Variants in PCDH15 observed in about 807,000 individuals in gnomAD.
PCDH15 encodes protocadherin related 15, also known as protocadherin-15.
PCDH15 carries 129 observed loss-of-function variants against 178.5 expected under a neutral mutation model. The ratio of observed to expected loss-of-function variants is 0.72; its 90% CI spans 0.63 to 0.84. The LOEUF (loss-of-function observed/expected upper bound fraction) is 0.84. PCDH15 is among the 40% of genes least tolerant of loss of function. PCDH15 has a pLI of 0.00. For missense variants in PCDH15, 2,230 were observed against 2,099.9 expected (o/e 1.06, Z -1.21); for synonymous variants, 800 against 732.0 (o/e 1.09, Z -1.50).
intron 2 of PCDH15, among the ~76,000 whole-genome samples, chr10:54,570,056 G>C (rs11004389): frequency 1.5e-5 from 2 of 129,326 alleles, no homozygotes; most frequent in African/African-American, 5.7e-5. Flanking sequence ...GTGTGTGTGT[G>C]TCTGTGTGTG....
chr10:55,505,893 G>T (rs1230345560), intron 2 of PCDH15, among the ~76,000 whole-genome samples: 2 of 151,362 alleles, frequency 1.3e-5, no homozygotes, highest in Non-Finnish European at 3.0e-5. Flanking sequence ...CCTCCAGGTG[G>T]CTTTTAACTA....
chr10:54,292,298 A>G (rs1424382408), intron 8 of PCDH15, among the ~76,000 whole-genome samples: 1 of 152,186 alleles, frequency 6.6e-6, no homozygotes, highest in African/African-American at 2.4e-5. Flanking sequence ...CTCTCAATAA[A>G]TCAGGTATTG....
At chr10:55,347,043 A>G (rs1031318857) in intron 2 of PCDH15, among the ~76,000 whole-genome samples, 3 of 151,648 alleles carry the variant, frequency 2.0e-5, no homozygotes, top group Admixed American at 6.6e-5. Context: ...GCAAAACCCC[A>G]TCTCTACAAA....
intron 2 of PCDH15, among the ~76,000 whole-genome samples, chr10:55,387,216 GCATTTTACAACAGTGGTTTTAAATCA>G (rs1391035263): frequency 2.0e-5 from 3 of 151,942 alleles, no homozygotes; most frequent in Non-Finnish European, 4.4e-5. Flanking sequence ...TGAATTTAAT[GCATTTTACAACAGTGGTTTTAAATCA>G]CATTCCAGAG....
intron 2 of PCDH15, among the ~76,000 whole-genome samples, chr10:55,544,135 CATACATAT>C (rs1321293978): frequency 0.021 from 2,015 of 96,152 alleles, 27 homozygotes; most frequent in East Asian, 0.037. Flanking sequence ...AAATCTTATA[CATACATAT>C]ATATATATAT....
intron 2 of PCDH15, among the ~76,000 whole-genome samples, chr10:54,900,214 C>G (rs1954617261): frequency 1.3e-5 from 2 of 152,090 alleles, no homozygotes; most frequent in Non-Finnish European, 2.9e-5. Context: ...TTTACTTCGG[C>G]ACTTACTTGG....
At chr10:54,896,385 A>G (rs1469933647) in intron 3 of PCDH15, among the ~76,000 whole-genome samples, 4 of 152,174 alleles carry the variant, frequency 2.6e-5, no homozygotes, top group African/African-American at 9.7e-5. Context: ...TCCAAATTCT[A>G]TCCAGCTGTT....
intron 28 of PCDH15, among the ~76,000 whole-genome samples, chr10:53,848,818 C>T (rs867406018): frequency 3.9e-5 from 6 of 152,002 alleles, no homozygotes; most frequent in African/African-American, 9.6e-5. Context: ...ATGTATCTTT[C>T]GATCATGCTA....
At chr10:54,905,385 A>C (rs1954701925) in intron 2 of PCDH15, among the ~76,000 whole-genome samples, 1 of 152,146 alleles carries the variant, frequency 6.6e-6, no homozygotes, top group African/African-American at 2.4e-5. Flanking sequence ...TGGCATAGCC[A>C]ATGAATTTGT....
intron 8 of PCDH15, among the ~76,000 whole-genome samples, chr10:54,240,631 T>TC (rs2055157539): frequency 2.2e-5 from 3 of 134,994 alleles, no homozygotes; most frequent in Admixed American, 7.4e-5. Context: ...TTTTGCTTTT[T>TC]TTTTTTTTTT....
chr10:53,817,940 A>T lies in PCDH15; in HGVS notation c.4452+55T>A, dbSNP rs1385418157. On this transcript the variant is annotated intron_variant, in intron 34 of 37. Coordinates refer to ENST00000644397, the MANE Select transcript of PCDH15 (RefSeq NM_001384140.1). Reference sequence around the variant, plus strand: ...AGAATGTACATTAGTCTTGCCTATTACACAAGTATTTTCCTAGTATGCTTG... The same window carrying T: ...AGAATGTACATTAGTCTTGCCTATTTCACAAGTATTTTCCTAGTATGCTTG... The T allele has an allele frequency of 2.8e-5, 11 of 398,664 alleles. No homozygotes were observed. The East Asian group carries it at 3.9e-4, about 14-fold the overall frequency. The allele number at this position is 398,664 out of a possible 1,614,324, so 24.7% of individuals were successfully genotyped here.
At chr10:54,824,343 C>T (rs760729867) in intron 3 of PCDH15, among the ~76,000 whole-genome samples, 4 of 152,196 alleles carry the variant, frequency 2.6e-5, no homozygotes, top group Admixed American at 6.6e-5. Flanking sequence ...AAGTTACTGT[C>T]GGTTTCACAA....
At chr10:54,883,190 T>A (rs1376751303) in intron 3 of PCDH15, among the ~76,000 whole-genome samples, 1 of 152,052 alleles carries the variant, frequency 6.6e-6, no homozygotes, top group Non-Finnish European at 1.5e-5. Flanking sequence ...TTATTCTGGC[T>A]TATATTCAAA....
At chr10:55,230,506 G>T (rs1283189915) in intron 1 of PCDH15, among the ~76,000 whole-genome samples, 1 of 152,042 alleles carries the variant, frequency 6.6e-6, no homozygotes. Flanking sequence ...AACATTTATT[G>T]TGCATGCACA....
chr10:54,638,879 T>A (rs1402398368), intron 2 of PCDH15, among the ~76,000 whole-genome samples: 2 of 152,122 alleles, frequency 1.3e-5, no homozygotes, highest in Non-Finnish European at 2.9e-5. Flanking sequence ...AATTATGTTT[T>A]TTTTTGCAGC....
At chr10:54,661,567 G>A (rs1420567943) in intron 2 of PCDH15, among the ~76,000 whole-genome samples, 1 of 151,602 alleles carries the variant, frequency 6.6e-6, no homozygotes, top group African/African-American at 2.4e-5. Flanking sequence ...AAATACATAT[G>A]GAACCAAAAA....
chr10:54,406,655 G>A (rs1271451409), intron 3 of PCDH15, among the ~76,000 whole-genome samples: 1 of 152,072 alleles, frequency 6.6e-6, no homozygotes, highest in South Asian at 2.1e-4. Context: ...GGAATTTGAT[G>A]GATCAGGAAA....
intron 2 of PCDH15, among the ~76,000 whole-genome samples, chr10:54,944,101 A>C (rs1476689093): frequency 6.6e-6 from 1 of 151,934 alleles, no homozygotes; most frequent in Non-Finnish European, 1.5e-5. Context: ...AAAAGGAGTA[A>C]AATCCCACAT....
At chr10:54,949,348 C>T (rs1316610141) in intron 2 of PCDH15, among the ~76,000 whole-genome samples, 2 of 151,832 alleles carry the variant, frequency 1.3e-5, no homozygotes, top group African/African-American at 4.8e-5. Flanking sequence ...AACTACCAAA[C>T]ACTGATAAAA....
Sources: gnomAD v4.1 joint callset for allele counts (sites outside exome capture counted in the v4.1 genomes callset) on GRCh38, gnomAD v4.1.1 for gene constraint, MANE v1.5 for transcripts, NCBI Gene and HGNC (gene_info 2026-07-23, HGNC 2026-07-21) for gene names.